The following TPH2 variants were observed in gnomAD, a reference collection of about 807,000 sequenced individuals.
TPH2 encodes the protein tryptophan 5-hydroxylase 2.
A neutral mutation model predicts 59.1 loss-of-function variants in TPH2; 27 were observed. The ratio of observed to expected loss-of-function variants is 0.46; its 90% confidence interval spans 0.34 to 0.63. The LOEUF (loss-of-function observed/expected upper bound fraction) is 0.63. TPH2 is among the 30% of genes least tolerant of loss of function. The pLI is 0.01. For missense variants in TPH2, 523 were observed against 588.3 expected (o/e 0.89, Z 1.15); for synonymous variants, 220 against 210.5 (o/e 1.05, Z -0.39).
In TPH2 at chr12:71,994,460, G is replaced by A; in HGVS notation, c.963G>A (p.Leu321=). Residue 321 remains leucine, a synonymous_variant, in exon 8 of 11, where the codon TTG becomes TTA. Coordinates refer to ENST00000333850, the MANE Select transcript of TPH2 (RefSeq NM_173353.4). The part of the protein sequence containing the change: ...TPEPDTCHEL[L]GHVPLLADPK... ...TCAGAGACACATGCCATGAACTCTT[G>A]GGACATGTTCCACTACTTGCGGATC... is the stretch of plus-strand genomic sequence containing the variant. The A allele has an allele frequency of 6.2e-7, 1 of 1,613,842 alleles. No individual in the cohort carries two copies. Among genetic ancestry groups the A allele is most frequent in the Non-Finnish European group, 8.5e-7 (1 of 1,179,832 alleles).
chr12:71,992,516 A>G (rs1872603634), intron 7 of TPH2, among the ~76,000 whole-genome samples: 1 of 149,102 alleles, frequency 6.7e-6, no homozygotes, highest in African/African-American at 2.5e-5. Context: ...AGGTGGGAGG[A>G]TCGCTTGAGC....
chr12:72,021,666 A>T (rs4474484), intron 8 of TPH2, among the ~76,000 whole-genome samples: 1 of 151,878 alleles, frequency 6.6e-6, no homozygotes, highest in Non-Finnish European at 1.5e-5. Context: ...TGTATTAAAC[A>T]CATTTTCAAC....
At chr12:71,942,196 T>A (rs1871088435) in intron 2 of TPH2, among the ~76,000 whole-genome samples, 1 of 152,228 alleles carries the variant, frequency 6.6e-6, no homozygotes, top group African/African-American at 2.4e-5. Context: ...TGTGTCTTAA[T>A]GTATCTTTTT....
chr12:71,938,899 G>C lies in TPH2; in HGVS notation c.-88G>C. ...CAGCGCCCCAAGCAGGCAGCTGATCGCACGCCCCTTCCTCTCAATCTCCGC... is the reference window on the plus strand; with the variant it reads ...CAGCGCCCCAAGCAGGCAGCTGATCCCACGCCCCTTCCTCTCAATCTCCGC... On this transcript the variant is annotated 5_prime_UTR_variant, in exon 1 of 11. Transcript: ENST00000333850. 2.6e-6 allele frequency: 3 copies of C among 1,137,752 alleles called. No homozygotes were observed. The highest frequency in any genetic ancestry group is 2.7e-6 in the Non-Finnish European group (2 of 753,442). 70.5% of individuals were successfully genotyped at this position (1,137,752 alleles called of 1,614,324 possible).
intron 9 of TPH2, among the ~76,000 whole-genome samples, chr12:72,026,265 T>G (rs1017458678): frequency 6.6e-6 from 1 of 152,266 alleles, no homozygotes; most frequent in African/African-American, 2.4e-5. Flanking sequence ...TAAACACATC[T>G]GTTTCGCTCT....
chr12:71,939,116 T>C (rs1445095428), intron 1 of TPH2, 25 bp downstream of exon 1: 3 of 1,573,128 alleles, frequency 1.9e-6, no homozygotes, highest in Admixed American at 1.7e-5. Flanking sequence ...CCTGGCACTA[T>C]GGAGAATTAT....
chr12:71,996,179 C>T (rs1472041236), intron 8 of TPH2, among the ~76,000 whole-genome samples: 2 of 152,228 alleles, frequency 1.3e-5, no homozygotes, highest in Non-Finnish European at 2.9e-5. Flanking sequence ...TGGCTATTGG[C>T]AGGAGGCCTC....
At chr12:71,944,816 G>A (rs1871159791) in intron 4 of TPH2, 130 bp downstream of exon 4, 3 of 900,344 alleles carry the variant, frequency 3.3e-6, no homozygotes, top group Non-Finnish European at 5.4e-6. Flanking sequence ...ATAACTGAGA[G>A]CAGACTTCCA....
chr12:71,980,126 T>C (rs1022011527), intron 7 of TPH2, among the ~76,000 whole-genome samples: 1 of 152,084 alleles, frequency 6.6e-6, no homozygotes, highest in Non-Finnish European at 1.5e-5. Context: ...AGCAAAGACT[T>C]GAATGTGTAT....
intron 9 of TPH2, among the ~76,000 whole-genome samples, chr12:72,030,415 G>A (rs1014513716): frequency 1.3e-5 from 2 of 151,984 alleles, no homozygotes; most frequent in South Asian, 4.1e-4. Flanking sequence ...TCAATCTAGG[G>A]TCTATAAATA....
At chr12:72,030,088 A>T (rs1873680905) in intron 9 of TPH2, among the ~76,000 whole-genome samples, 1 of 152,120 alleles carries the variant, frequency 6.6e-6, no homozygotes, top group African/African-American at 2.4e-5. Context: ...AGGTTGAATG[A>T]TTGCTGAGGT....
intron 7 of TPH2, among the ~76,000 whole-genome samples, chr12:71,983,775 CAG>C (rs1324866051): frequency 6.8e-6 from 1 of 147,762 alleles, no homozygotes; most frequent in African/African-American, 2.5e-5. Flanking sequence ...CAGACACACA[CAG>C]AGAGAGAGAG....
intron 5 of TPH2, among the ~76,000 whole-genome samples, chr12:71,970,922 C>G (rs533455071): frequency 6.6e-6 from 1 of 152,254 alleles, no homozygotes; most frequent in South Asian, 2.1e-4. Context: ...TTCCCTTATC[C>G]CTCATGTACT....
rs1345492448 is a variant in TPH2 at position 72,031,596 on chromosome 12, A to G, written c.1374A>G (p.Lys458=). 6.2e-7 allele frequency: 1 copy of G among 1,613,522 alleles called. No individual in the cohort carries two copies. Among genetic ancestry groups the G allele is most frequent in the African/African-American group, 1.3e-5 (1 of 74,876 alleles). The change falls in exon 11 of 11, where the codon AAA becomes AAG. Residue 458 remains lysine (K), a synonymous_variant. Transcript: ENST00000333850. ...ACACACAGAGTATTGAAATTCTGAA[A>G]GACACCAGAAGTATTGAAAATGTGG... is the stretch of plus-strand genomic sequence containing the variant. ...NPYTQSIEIL[K]DTRSIENVVQ... is the part of the protein sequence containing the mutation.
intron 8 of TPH2, among the ~76,000 whole-genome samples, chr12:72,009,659 T>C (rs1036087226): frequency 1.1e-4 from 17 of 152,228 alleles, no homozygotes; most frequent in Non-Finnish European, 1.2e-4. Context: ...GTGTTCTTCA[T>C]TGGCTTTCAA....
chr12:71,960,884 T>G (rs1462369789), intron 5 of TPH2, among the ~76,000 whole-genome samples: 2 of 152,200 alleles, frequency 1.3e-5, no homozygotes. Flanking sequence ...TTTTGTCATC[T>G]CCAGACCTGT....
At chr12:71,961,551 A>C (rs764066264) in intron 5 of TPH2, 2 of 1,351,586 alleles carry the variant, frequency 1.5e-6, no homozygotes, top group African/African-American at 3.0e-5. Flanking sequence ...TCTTCATTCT[A>C]GTGGCCCAAG....
At chr12:71,963,734 G>A in intron 5 of TPH2, among the ~76,000 whole-genome samples, 1 of 46,624 alleles carries the variant, frequency 2.1e-5, no homozygotes. Flanking sequence ...GCTTGAACCT[G>A]GGAGGCAGAA....
At chr12:72,026,550 T>C (rs576959987) in intron 9 of TPH2, among the ~76,000 whole-genome samples, 2 of 152,304 alleles carry the variant, frequency 1.3e-5, no homozygotes, top group South Asian at 4.1e-4. Context: ...GTTTGGTCAA[T>C]GGTGTGACTA....
Sources: allele counts gnomAD v4.1 joint callset (sites outside exome capture counted in the v4.1 genomes callset), GRCh38; gene constraint gnomAD v4.1.1; transcripts MANE v1.5; gene names NCBI Gene and HGNC (gene_info 2026-07-23, HGNC 2026-07-21).